Variants in RICTOR observed in about 807,000 individuals in gnomAD.
RICTOR encodes the protein RPTOR independent companion of MTOR complex 2.
RICTOR carries 49 observed loss-of-function variants against 214.9 expected under a neutral mutation model. That is an observed-to-expected ratio of 0.23 (90% CI 0.18 to 0.29). RICTOR has a LOEUF of 0.29. Ranked by LOEUF, RICTOR falls within the 10% of genes least tolerant of loss-of-function variation. The pLI, the probability that RICTOR is intolerant of heterozygous loss-of-function variation, is 1.00. For synonymous variants in RICTOR, 717 were observed against 711.3 expected (o/e 1.01, Z -0.13); for missense variants, 1,625 against 2,047.0 (o/e 0.79, Z 3.98).
At chr5:39,048,429 T>C (rs1275895947) in intron 2 of RICTOR, among the ~76,000 whole-genome samples, 3 of 152,200 alleles carry the variant, frequency 2.0e-5, no homozygotes, top group Non-Finnish European at 2.9e-5. Flanking sequence ...AATACTTGCT[T>C]TTGTTCTGTA....
chr5:39,074,293 C>T, intron 1 of RICTOR, 36 bp downstream of exon 1: 1 of 1,563,032 alleles, frequency 6.4e-7, no homozygotes, highest in Non-Finnish European at 8.7e-7. Flanking sequence ...GTGGCGGGCG[C>T]CGGGCGGTGG....
intron 2 of RICTOR, among the ~76,000 whole-genome samples, chr5:39,024,920 G>C (rs556174828): frequency 1.3e-5 from 2 of 152,170 alleles, no homozygotes; most frequent in Non-Finnish European, 2.9e-5. Context: ...ATTATGATCA[G>C]GTACTGTTTT....
intron 5 of RICTOR, among the ~76,000 whole-genome samples, chr5:39,001,761 G>T (rs952664167): frequency 6.6e-6 from 1 of 152,006 alleles, no homozygotes; most frequent in African/African-American, 2.4e-5. Context: ...AATGAAAAGT[G>T]CCTAACATCA....
At chr5:38,949,337 G>C in intron 31 of RICTOR, 1 of 1,493,904 alleles carries the variant, frequency 6.7e-7, no homozygotes, top group Non-Finnish European at 8.9e-7. Flanking sequence ...TCAACTTTTG[G>C]AGCCTTAAAT....
At chr5:39,044,574 G>C (rs994077536) in intron 2 of RICTOR, among the ~76,000 whole-genome samples, 1 of 152,068 alleles carries the variant, frequency 6.6e-6, no homozygotes, top group South Asian at 2.1e-4. Context: ...TGAGCAACAA[G>C]ATATGAAATA....
chr5:39,005,098 T>TAAAA (rs1179318185), intron 3 of RICTOR, among the ~76,000 whole-genome samples: 1 of 152,162 alleles, frequency 6.6e-6, no homozygotes, highest in Non-Finnish European at 1.5e-5. Context: ...CAGACTCTTT[T>TAAAA]AAAGACATCT....
chr5:38,999,027 C>CAAAAAAAAAAAAAAAAAAAA (rs1186312478), intron 5 of RICTOR, among the ~76,000 whole-genome samples: 3 of 25,342 alleles, frequency 1.2e-4, no homozygotes, highest in Non-Finnish European at 1.5e-4. Flanking sequence ...AACAAACAGG[C>CAAAAAAAAAAAAAAAAAAAA]AAAAAAAAAA....
At chr5:39,048,301 T>C (rs1198203000) in intron 2 of RICTOR, among the ~76,000 whole-genome samples, 4 of 152,234 alleles carry the variant, frequency 2.6e-5, no homozygotes, top group Non-Finnish European at 4.4e-5. Flanking sequence ...TAAAAAGGCC[T>C]GCTTGCAAGG....
At chr5:39,020,178 T>A (rs1392662358) in intron 3 of RICTOR, among the ~76,000 whole-genome samples, 1 of 152,188 alleles carries the variant, frequency 6.6e-6, no homozygotes, top group Non-Finnish European at 1.5e-5. Flanking sequence ...CTGGTGAAGA[T>A]GCTATGAACA....
intron 6 of RICTOR, among the ~76,000 whole-genome samples, chr5:38,994,168 T>G (rs1035377700): frequency 6.6e-6 from 1 of 151,724 alleles, no homozygotes; most frequent in South Asian, 2.1e-4. Context: ...CCAGCCTGGG[T>G]GACAGAGCGA....
chr5:39,034,488 C>T (rs1446368568), intron 2 of RICTOR, among the ~76,000 whole-genome samples: 1 of 152,240 alleles, frequency 6.6e-6, no homozygotes, highest in Non-Finnish European at 1.5e-5. Context: ...GGGTGCAGCG[C>T]ACCGTGCATG....
At chr5:39,005,672 A>T (rs929281315) in intron 3 of RICTOR, among the ~76,000 whole-genome samples, 1 of 152,084 alleles carries the variant, frequency 6.6e-6, no homozygotes, top group Non-Finnish European at 1.5e-5. Context: ...TAGTCATGTA[A>T]TCCTGTCCTT....
intron 2 of RICTOR, among the ~76,000 whole-genome samples, chr5:39,072,843 G>A (rs918400554): frequency 2.0e-5 from 3 of 152,130 alleles, no homozygotes; most frequent in Admixed American, 6.5e-5. Flanking sequence ...AAACTGTCTT[G>A]TAAAAGGACC....
Position 38,940,301 on chromosome 5 carries a change from C to T in RICTOR, c.*2003G>A, listed in dbSNP as rs1747419806. 1 of 230,560 alleles carries T rather than the reference C, an allele frequency of 4.3e-6. No homozygotes were observed. Among genetic ancestry groups the T allele is most frequent in the Admixed American group, 5.7e-5 (1 of 17,614 alleles). The allele number at this position is 230,560 out of a possible 1,614,324, so 14.3% of individuals were successfully genotyped here. A position where few individuals can be genotyped will look rare whatever the true frequency, so the allele number is the denominator to read the frequency against. ...ACTGTTAACTTTTGAGGGATTAAAC[C>T]ACAGATTTTTATACTCTATATTAAC... is the stretch of plus-strand genomic sequence containing the variant. On this transcript the variant is annotated 3_prime_UTR_variant, in exon 38 of 38. Coordinates refer to ENST00000357387, the MANE Select transcript of RICTOR (RefSeq NM_152756.5).
At chr5:39,043,766 C>G (rs1195666694) in intron 2 of RICTOR, among the ~76,000 whole-genome samples, 1 of 152,114 alleles carries the variant, frequency 6.6e-6, no homozygotes, top group Non-Finnish European at 1.5e-5. Context: ...GCTCTGTCCT[C>G]ATGAATGAGT....
intron 2 of RICTOR, among the ~76,000 whole-genome samples, chr5:39,072,553 A>G (rs1417601782): frequency 6.6e-6 from 1 of 152,238 alleles, no homozygotes; most frequent in Non-Finnish European, 1.5e-5. Context: ...ATGCCTGTAT[A>G]TAAATTAAAT....
chr5:39,054,715 T>C (rs1758085456), intron 2 of RICTOR, among the ~76,000 whole-genome samples: 1 of 152,216 alleles, frequency 6.6e-6, no homozygotes, highest in South Asian at 2.1e-4. Flanking sequence ...CTGATTTATC[T>C]TGTAACCTCA....
At chr5:39,004,020 C>T (rs1484773674) in intron 3 of RICTOR, among the ~76,000 whole-genome samples, 1 of 152,128 alleles carries the variant, frequency 6.6e-6, no homozygotes, top group Admixed American at 6.5e-5. Flanking sequence ...ACTTTCTCCC[C>T]TCACATTTCA....
At chr5:38,983,308 T>G (rs921414918) in intron 7 of RICTOR, among the ~76,000 whole-genome samples, 29 of 152,242 alleles carry the variant, frequency 1.9e-4, no homozygotes, top group African/African-American at 6.8e-4. Flanking sequence ...CTGATTATTG[T>G]TGAAACACAA....
Sources: allele counts gnomAD v4.1 joint callset (sites outside exome capture counted in the v4.1 genomes callset), GRCh38; gene constraint gnomAD v4.1.1; transcripts MANE v1.5; gene names NCBI Gene and HGNC (gene_info 2026-07-23, HGNC 2026-07-21).